Variants in LINGO2 observed in about 807,000 individuals in gnomAD.
LINGO2 encodes the protein leucine rich repeat and Ig domain containing 2, also known as leucine-rich repeat and immunoglobulin-like domain-containing nogo receptor-interacting protein 2.
Under a neutral mutation model 30.6 loss-of-function variants are expected in LINGO2, and 14 were observed. That is an observed-to-expected ratio of 0.46 (90% CI 0.30 to 0.72). The LOEUF (loss-of-function observed/expected upper bound fraction) is 0.72. Ranked by LOEUF, LINGO2 falls within the 30% of genes least tolerant of loss-of-function variation. The probability of loss-of-function intolerance (pLI) is 0.07; values close to 1 mark genes in which losing one functional copy is unlikely to be tolerated. For missense variants in LINGO2, 729 were observed against 751.7 expected (o/e 0.97, Z 0.35); for synonymous variants, 317 against 288.5 (o/e 1.10, Z -1.00).
exon 6 of LINGO2, chr9:27,949,937 G>A (rs1168173665): frequency 6.2e-7 from 1 of 1,614,094 alleles, no homozygotes; most frequent in Non-Finnish European, 8.5e-7. Flanking sequence ...GACCGTAGAG[G>A]CTATTGGCAG....
At chr9:28,772,460 C>T in the LINGO2 span, among the ~76,000 whole-genome samples, 3 of 152,302 alleles carry the variant, frequency 2.0e-5, no homozygotes, top group South Asian at 6.2e-4. Context: ...AGCAGCATCA[C>T]TTTTGGCTAC....
At chr9:28,229,913 T>C (rs1821299065) in intron 4 of LINGO2, among the ~76,000 whole-genome samples, 1 of 151,752 alleles carries the variant, frequency 6.6e-6, no homozygotes, top group African/African-American at 2.4e-5. Flanking sequence ...TTTAATTTCA[T>C]CTCAAAAAAG....
intron 5 of LINGO2, among the ~76,000 whole-genome samples, chr9:27,976,187 T>G (rs1231586813): frequency 6.6e-6 from 1 of 152,160 alleles, no homozygotes; most frequent in Non-Finnish European, 1.5e-5. Context: ...CTTAGAGCAG[T>G]GTCTGCCACT....
chr9:28,947,145 A>G, the LINGO2 span, among the ~76,000 whole-genome samples: 1 of 151,930 alleles, frequency 6.6e-6, no homozygotes, highest in Admixed American at 6.6e-5. Context: ...CTCTCTATAT[A>G]TCTATATCTA....
chr9:28,397,448 C>A (rs979033117), intron 2 of LINGO2, among the ~76,000 whole-genome samples: 4 of 147,284 alleles, frequency 2.7e-5, no homozygotes, highest in Admixed American at 2.7e-4. Flanking sequence ...ACATTGTTAT[C>A]ATTTTTATGG....
intron 4 of LINGO2, among the ~76,000 whole-genome samples, chr9:28,103,739 T>G (rs530389871): frequency 3.3e-5 from 5 of 152,222 alleles, no homozygotes; most frequent in Admixed American, 3.3e-4. Context: ...CTTGACATAT[T>G]GTGAAAAATA....
At chr9:28,609,251 A>G (rs1258995605) in intron 1 of LINGO2, among the ~76,000 whole-genome samples, 2 of 151,776 alleles carry the variant, frequency 1.3e-5, no homozygotes, top group Non-Finnish European at 2.9e-5. Context: ...CTTTCTAGCA[A>G]GGATGCAAAA....
chr9:28,447,645 G>A (rs183198820), intron 2 of LINGO2, among the ~76,000 whole-genome samples: 4 of 152,174 alleles, frequency 2.6e-5, no homozygotes, highest in African/African-American at 9.6e-5. Context: ...TGTTTCAAAA[G>A]ATTGAAACTG....
the LINGO2 span, among the ~76,000 whole-genome samples, chr9:28,818,095 A>G: frequency 6.6e-6 from 1 of 152,186 alleles, no homozygotes; most frequent in South Asian, 2.1e-4. Context: ...TTTAAAATTT[A>G]ATGATAGAAC....
the LINGO2 span, among the ~76,000 whole-genome samples, chr9:28,745,879 A>T: frequency 1.3e-5 from 2 of 151,428 alleles, 1 homozygote; most frequent in South Asian, 4.1e-4. Flanking sequence ...AATTGGACTA[A>T]ATCACTTCTA....
At chr9:28,709,579 CAT>C in the LINGO2 span, among the ~76,000 whole-genome samples, 1 of 151,848 alleles carries the variant, frequency 6.6e-6, no homozygotes, top group Non-Finnish European at 1.5e-5. Context: ...AATTATGAAT[CAT>C]ATATAATTTT....
chr9:28,750,502 C>A, the LINGO2 span, among the ~76,000 whole-genome samples: 1 of 152,070 alleles, frequency 6.6e-6, no homozygotes, highest in African/African-American at 2.4e-5. Flanking sequence ...AGGCTCTGGG[C>A]CCTCAGAGAT....
At chr9:27,976,119 A>C (rs961180052) in intron 5 of LINGO2, among the ~76,000 whole-genome samples, 2 of 152,146 alleles carry the variant, frequency 1.3e-5, no homozygotes, top group Non-Finnish European at 2.9e-5. Context: ...ATGGGATACT[A>C]ACAGTACCTA....
intron 2 of LINGO2, among the ~76,000 whole-genome samples, chr9:28,428,439 T>C (rs1274837025): frequency 1.3e-5 from 2 of 152,182 alleles, no homozygotes; most frequent in African/African-American, 2.4e-5. Context: ...TGTATTAGAC[T>C]GTGTTTCCAT....
intron 1 of LINGO2, among the ~76,000 whole-genome samples, chr9:28,496,697 C>T (rs1422688229): frequency 1.3e-5 from 2 of 152,120 alleles, no homozygotes; most frequent in Non-Finnish European, 2.9e-5. Flanking sequence ...TTGATCCTGT[C>T]ATTATGATGT....
intron 3 of LINGO2, among the ~76,000 whole-genome samples, chr9:28,356,006 T>C (rs1160514285): frequency 6.6e-6 from 1 of 152,160 alleles, no homozygotes; most frequent in African/African-American, 2.4e-5. Context: ...ACTTACAGCA[T>C]TTAGTTAGAT....
the LINGO2 span, among the ~76,000 whole-genome samples, chr9:29,156,743 G>T: frequency 6.6e-6 from 1 of 151,938 alleles, no homozygotes; most frequent in Non-Finnish European, 1.5e-5. Context: ...AATTTCACAT[G>T]ATACTTCTAC....
chr9:28,984,841 A>T, the LINGO2 span, among the ~76,000 whole-genome samples: 1 of 152,174 alleles, frequency 6.6e-6, no homozygotes, highest in East Asian at 1.9e-4. Flanking sequence ...CATACCCATC[A>T]CTTCAAGTAT....
chr9:28,883,628 G>GTGTGTATGTATGTATATA, the LINGO2 span, among the ~76,000 whole-genome samples: 14 of 64,178 alleles, frequency 2.2e-4, no homozygotes, highest in Admixed American at 3.9e-4. Flanking sequence ...ATGTGTGTGT[G>GTGTGTATGTATGTATATA]TATATATATA....
Sources: gnomAD v4.1 joint callset for allele counts (sites outside exome capture counted in the v4.1 genomes callset) on GRCh38, gnomAD v4.1.1 for gene constraint, MANE v1.5 for transcripts, NCBI Gene and HGNC (gene_info 2026-07-23, HGNC 2026-07-21) for gene names.